PAX8: variants seen among roughly 807,000 people sequenced by gnomAD.
PAX8 encodes paired box 8, also known as paired box protein Pax-8.
In PAX8, 15 loss-of-function variants were observed where a neutral mutation model predicts 52.4. That is an observed-to-expected ratio of 0.29 (90% confidence interval 0.19 to 0.44). The LOEUF (loss-of-function observed/expected upper bound fraction) is 0.44, where lower values mean the gene tolerates loss of function less well. PAX8 is among the 20% of genes least tolerant of loss of function. The probability of loss-of-function intolerance (pLI) is 1.00; values close to 1 mark genes in which losing one functional copy is unlikely to be tolerated. For synonymous variants in PAX8, 284 were observed against 249.7 expected (o/e 1.14, Z -1.29); for missense variants, 554 against 602.5 (o/e 0.92, Z 0.84).
intron 7 of PAX8, chr2:113,237,430 C>T (rs1427828343): frequency 5.3e-5 from 8 of 152,184 alleles, no homozygotes; most frequent in Admixed American, 4.6e-4. Context: ...CGGGATTTTT[C>T]GGCTGTGGAC....
At chr2:113,230,436 C>A (rs1473211219) in intron 9 of PAX8, 1 of 152,284 alleles carries the variant, frequency 6.6e-6, no homozygotes, top group South Asian at 2.1e-4. Context: ...GAGAACTAGC[C>A]CCTACATTGA....
chr2:113,263,726 C>A (rs1692855556), intron 2 of PAX8, among the ~76,000 whole-genome samples: 1 of 152,006 alleles, frequency 6.6e-6, no homozygotes, highest in South Asian at 2.1e-4. Flanking sequence ...GGGCTGTGCC[C>A]CCAGCAGGCA....
intron 2 of PAX8, among the ~76,000 whole-genome samples, chr2:113,277,996 C>T (rs1573563698): frequency 6.6e-6 from 1 of 152,158 alleles, no homozygotes; most frequent in South Asian, 2.1e-4. Flanking sequence ...AGGTCGGGGA[C>T]GGGGAAACGG....
At chr2:113,220,399 C>G (rs1236190466) in intron 10 of PAX8, 2 of 543,694 alleles carry the variant, frequency 3.7e-6, no homozygotes, top group Non-Finnish European at 6.7e-6. Flanking sequence ...TCCGTAGGTA[C>G]TGGAGGCACT....
intron 11 of PAX8, 78 bp from the exon 12 acceptor site, chr2:113,218,687 C>T: frequency 2.3e-6 from 2 of 884,426 alleles, no homozygotes; most frequent in Non-Finnish European, 3.6e-6. Flanking sequence ...CCTGCATCTG[C>T]TGACCTTTAA....
At chr2:113,222,210 C>T (rs1009946198) in intron 10 of PAX8, among the ~76,000 whole-genome samples, 1 of 152,182 alleles carries the variant, frequency 6.6e-6, no homozygotes, top group African/African-American at 2.4e-5. Flanking sequence ...ACTCAGGTCT[C>T]CCGGGTTTCA....
intron 2 of PAX8, chr2:113,269,378 G>T (rs1003399977): frequency 1.3e-5 from 2 of 152,240 alleles, no homozygotes; most frequent in African/African-American, 4.8e-5. Flanking sequence ...CAAGAAAAAT[G>T]AACTTTGGTG....
chr2:113,258,515 C>T (rs1447760108), intron 2 of PAX8, among the ~76,000 whole-genome samples: 10 of 152,216 alleles, frequency 6.6e-5, no homozygotes, highest in Non-Finnish European at 1.3e-4. Flanking sequence ...TTCTCTCTCC[C>T]TCCCTGCTGG....
At chr2:113,255,389 G>C (rs1235082637) in intron 2 of PAX8, 4 of 151,930 alleles carry the variant, frequency 2.6e-5, no homozygotes, top group Non-Finnish European at 4.4e-5. Context: ...GTTTTCCACA[G>C]ACACATATAC....
intron 2 of PAX8, chr2:113,276,445 G>C (rs1351592871): frequency 6.6e-6 from 1 of 152,134 alleles, no homozygotes; most frequent in Non-Finnish European, 1.5e-5. Context: ...AGAAGAAAGG[G>C]GAAAAAAATT....
chr2:113,245,938 A>G (rs1691281595), intron 3 of PAX8, among the ~76,000 whole-genome samples: 1 of 152,198 alleles, frequency 6.6e-6, no homozygotes, highest in South Asian at 2.1e-4. Flanking sequence ...AATCCACCTA[A>G]GGGTCAGAGC....
At chr2:113,221,156 C>T (rs1005503489) in intron 10 of PAX8, among the ~76,000 whole-genome samples, 2 of 152,180 alleles carry the variant, frequency 1.3e-5, no homozygotes, top group South Asian at 2.1e-4. Flanking sequence ...AAGCAGTTTG[C>T]CTCAAATCAC....
intron 9 of PAX8, 122 bp from the exon 10 acceptor site, chr2:113,227,378 C>T: frequency 2.6e-6 from 2 of 783,060 alleles, no homozygotes; most frequent in Non-Finnish European, 4.2e-6. Flanking sequence ...ATTCTCCAAA[C>T]CCACTTCCTC....
intron 3 of PAX8, among the ~76,000 whole-genome samples, chr2:113,244,852 C>T (rs1469393882): frequency 6.6e-6 from 1 of 152,120 alleles, no homozygotes; most frequent in Non-Finnish European, 1.5e-5. Context: ...AAAGGCCTCA[C>T]CTTGGCTTCT....
chr2:113,220,080 C>T lies in PAX8; in HGVS notation c.1276+12G>A. On this transcript the variant is annotated intron_variant, in intron 11 of 11. Coordinates refer to ENST00000429538, the MANE Select transcript of PAX8 (RefSeq NM_003466.4). Reference sequence around the variant, plus strand: ...CTGCCCAGCAGAGGCCTGGGCAGCCCCAGGGACTTACTCAGCAAGCTGGAG... The same window carrying T: ...CTGCCCAGCAGAGGCCTGGGCAGCCTCAGGGACTTACTCAGCAAGCTGGAG... The T allele has an allele frequency of 1.9e-6, 3 of 1,609,262 alleles. No individual in the cohort carries two copies. The highest frequency in any genetic ancestry group is 1.1e-5 in the South Asian group (1 of 90,602).
intron 2 of PAX8, among the ~76,000 whole-genome samples, chr2:113,254,954 G>A (rs1034336442): frequency 1.1e-4 from 16 of 151,780 alleles, no homozygotes; most frequent in African/African-American, 3.9e-4. Context: ...TTTTAAATAA[G>A]CCAGGACATA....
Position 113,220,289 on chromosome 2 carries a change from G to A in PAX8, c.1190-111C>T, listed in dbSNP as rs759072581. 4.0e-6 allele frequency: 3 copies of A among 741,018 alleles called. No homozygotes were observed. In the South Asian group the frequency reaches 4.5e-5, roughly 11 times the overall value. 45.9% of individuals were successfully genotyped at this position (741,018 alleles called of 1,614,324 possible). A position where few individuals can be genotyped will look rare whatever the true frequency, so the allele number is the denominator to read the frequency against. On this transcript the variant is annotated intron_variant, in intron 10 of 11. Coordinates refer to ENST00000429538, the MANE Select transcript of PAX8 (RefSeq NM_003466.4). ...ATGGGCAAGCTCAGGAATGGTTGGG[G>A]AGACAGTTGGAGCCACGGCAGGGAC...
chr2:113,263,723 GC>G (rs1692855122), intron 2 of PAX8, among the ~76,000 whole-genome samples: 1 of 152,102 alleles, frequency 6.6e-6, no homozygotes, highest in African/African-American at 2.4e-5. Context: ...GAAGGGCTGT[GC>G]CCCCAGCAGG....
Position 113,278,407 on chromosome 2 carries a change from G to T in PAX8, c.-13C>A, listed in dbSNP as rs754271156. ...AGTTGTGAGGCATCGCCGGGGAGTCGCTCGCAGCCCGCCGAGGGCTCGGGG... is the reference window on the plus strand; with the variant it reads ...AGTTGTGAGGCATCGCCGGGGAGTCTCTCGCAGCCCGCCGAGGGCTCGGGG... On this transcript the variant is annotated 5_prime_UTR_variant, in exon 2 of 12. Coordinates refer to ENST00000429538, the MANE Select transcript of PAX8 (RefSeq NM_003466.4). 2 of 1,610,516 alleles carry T rather than the reference G, an allele frequency of 1.2e-6. No homozygotes were observed. The highest frequency in any genetic ancestry group is 1.1e-5 in the South Asian group (1 of 90,844).
Sources: allele counts gnomAD v4.1 joint callset (sites outside exome capture counted in the v4.1 genomes callset), GRCh38; gene constraint gnomAD v4.1.1; transcripts MANE v1.5; gene names NCBI Gene and HGNC (gene_info 2026-07-23, HGNC 2026-07-21).